Variants in RPH3A observed in about 807,000 individuals in gnomAD.
RPH3A encodes the protein rabphilin-3A.
Under a neutral mutation model 102.2 loss-of-function variants are expected in RPH3A, and 48 were observed. The ratio of observed to expected loss-of-function variants is 0.47; its 90% CI spans 0.37 to 0.60. The LOEUF is 0.60. RPH3A is among the 20% of genes least tolerant of loss of function. RPH3A has a pLI of 0.00. For synonymous variants in RPH3A, 310 were observed against 324.3 expected (o/e 0.96, Z 0.47); for missense variants, 781 against 910.1 (o/e 0.86, Z 1.83).
intron 1 of RPH3A, among the ~76,000 whole-genome samples, chr12:112,699,603 G>A (rs926147773): frequency 6.6e-6 from 1 of 152,228 alleles, no homozygotes; most frequent in Admixed American, 6.5e-5. Context: ...AAGCAGACAA[G>A]TGGTTGCCTG....
chr12:112,663,192 A>G (rs1333234519), intron 1 of RPH3A, among the ~76,000 whole-genome samples: 1 of 151,914 alleles, frequency 6.6e-6, no homozygotes, highest in East Asian at 1.9e-4. Context: ...AGATTCTCCA[A>G]TAATGTGAGC....
chr12:112,765,718 T>C (rs1000608598), intron 1 of RPH3A, among the ~76,000 whole-genome samples: 5 of 152,214 alleles, frequency 3.3e-5, no homozygotes, highest in Non-Finnish European at 7.3e-5. Flanking sequence ...GGCTTAAAAA[T>C]AACTGAAATC....
chr12:112,645,321 G>A (rs746732073), intron 1 of RPH3A, among the ~76,000 whole-genome samples: 3 of 152,116 alleles, frequency 2.0e-5, no homozygotes, highest in African/African-American at 4.8e-5. Flanking sequence ...ACTTGGTCTC[G>A]TTAAATGTCT....
At chr12:112,818,780 G>A (rs760901319) in intron 2 of RPH3A, among the ~76,000 whole-genome samples, 1 of 152,044 alleles carries the variant, frequency 6.6e-6, no homozygotes, top group South Asian at 2.1e-4. Context: ...CCAACAAAAG[G>A]CTATCCAGAT....
intron 1 of RPH3A, among the ~76,000 whole-genome samples, chr12:112,665,507 T>C (rs551224989): frequency 4.5e-4 from 68 of 152,302 alleles, no homozygotes; most frequent in Non-Finnish European, 7.6e-4. Flanking sequence ...ATCTGTAAAG[T>C]AGGGATAATA....
At chr12:112,788,948 C>T (rs1592999769), upstream of RPH3A, among the ~76,000 whole-genome samples, 1 of 152,132 alleles carries the variant, frequency 6.6e-6, no homozygotes, top group East Asian at 1.9e-4. Context: ...CGCTTGAGGT[C>T]AGGAGTTCGA....
intron 1 of RPH3A, among the ~76,000 whole-genome samples, chr12:112,756,238 A>C (rs1159657733): frequency 6.6e-6 from 1 of 150,652 alleles, no homozygotes; most frequent in Non-Finnish European, 1.5e-5. Flanking sequence ...TTTGAGATGG[A>C]GTTTCACTCT....
intron 7 of RPH3A, 167 bp from the exon 8 acceptor site, chr12:112,868,263 G>A (rs2042644493): frequency 4.7e-6 from 3 of 641,814 alleles, no homozygotes; most frequent in Non-Finnish European, 7.5e-6. Context: ...GGGTGGATGG[G>A]CTGAATAAAT....
At chr12:112,759,711 CA>C (rs2040842948) in intron 1 of RPH3A, among the ~76,000 whole-genome samples, 1 of 152,162 alleles carries the variant, frequency 6.6e-6, no homozygotes, top group Non-Finnish European at 1.5e-5. Flanking sequence ...CCCTCAGTAT[CA>C]GGGGCTATGA....
Position 112,754,871 on chromosome 12 carries a change from T to C in RPH3A, c.-139-37272T>C, listed in dbSNP as rs140848781. Among the ~76,000 whole-genome samples, 721 of 152,348 alleles carry C rather than the reference T, an allele frequency of 4.7e-3. 3 individuals carry two copies. Among genetic ancestry groups the C allele is most frequent in the African/African-American group, 0.016 (646 of 41,570 alleles). ...ACCCAGGACCTTTTAAAAATAACAA[T>C]GCCCGGTTCTGCTTCAAACTAATTA... On this transcript the variant is annotated intron_variant, in intron 1 of 21. Transcript: ENST00000543106.
intron 5 of RPH3A, among the ~76,000 whole-genome samples, chr12:112,854,811 G>GTGGCCA: frequency 6.6e-6 from 1 of 152,250 alleles, no homozygotes; most frequent in East Asian, 1.9e-4. Flanking sequence ...ACCAGACTTT[G>GTGGCCA]AACTTGAATC....
intron 1 of RPH3A, among the ~76,000 whole-genome samples, chr12:112,700,105 T>C (rs1267480659): frequency 6.6e-6 from 1 of 152,094 alleles, no homozygotes; most frequent in Non-Finnish European, 1.5e-5. Flanking sequence ...CTTTCACTCT[T>C]GTTGCCTAGG....
At position 112,865,423 on chromosome 12, in the gene RPH3A, G is replaced by A; in HGVS notation, c.240G>A (p.Val80=). The A allele has an allele frequency of 1.2e-6, 2 of 1,613,934 alleles. No individual in the cohort carries two copies. The highest frequency in any genetic ancestry group is 1.1e-5 in the South Asian group (1 of 91,044). The change falls in exon 6 of 22, where the codon GTG becomes GTA. Residue 80 remains valine (V), a synonymous_variant. Transcript: ENST00000389385. ...EMEQERIGRL[V]DRLENMRKNV... is the part of the protein sequence containing the mutation. ...TTGTCTCTGCTTCCAGACGCCTGGT[G>A]GACCGCCTAGAAAACATGAGGAAGA...
intron 1 of RPH3A, among the ~76,000 whole-genome samples, chr12:112,704,329 A>G (rs1043915038): frequency 9.9e-5 from 15 of 152,110 alleles, no homozygotes; most frequent in African/African-American, 3.1e-4. Context: ...ACCTCAGGTG[A>G]TCCGCCCACC....
chr12:112,584,692 T>C (rs2039425953), intron 1 of RPH3A, among the ~76,000 whole-genome samples: 1 of 152,186 alleles, frequency 6.6e-6, no homozygotes, highest in Admixed American at 6.5e-5. Flanking sequence ...GATGGAGCTT[T>C]AAATTACTTA....
chr12:112,692,580 G>A (rs1451401426), intron 1 of RPH3A, among the ~76,000 whole-genome samples: 4 of 152,068 alleles, frequency 2.6e-5, no homozygotes, highest in South Asian at 4.2e-4. Flanking sequence ...ATCATGCACC[G>A]AGAAAGTGAC....
intron 1 of RPH3A, among the ~76,000 whole-genome samples, chr12:112,623,081 C>T (rs1179442008): frequency 6.7e-6 from 1 of 148,802 alleles, no homozygotes; most frequent in Non-Finnish European, 1.5e-5. Context: ...AAAGGAACAA[C>T]CGGTACCAGC....
intron 11 of RPH3A, 136 bp from the exon 12 acceptor site, chr12:112,875,543 G>A: frequency 1.4e-6 from 1 of 699,886 alleles, no homozygotes; most frequent in East Asian, 2.8e-5. Context: ...CTCCCAGTGG[G>A]ACTGTTTCTG....
intron 1 of RPH3A, among the ~76,000 whole-genome samples, chr12:112,664,078 T>C (rs1161382003): frequency 6.6e-6 from 1 of 152,162 alleles, no homozygotes; most frequent in Admixed American, 6.6e-5. Flanking sequence ...GGAATAGTTT[T>C]TGAGCTGAGT....
Sources: allele counts gnomAD v4.1 joint callset (sites outside exome capture counted in the v4.1 genomes callset), GRCh38; gene constraint gnomAD v4.1.1; transcripts MANE v1.5; gene names NCBI Gene and HGNC (gene_info 2026-07-23, HGNC 2026-07-21).